TMEM196: variants seen among roughly 807,000 people sequenced by gnomAD.
TMEM196 encodes the protein transmembrane protein 196.
Under a neutral mutation model 20.0 loss-of-function variants are expected in TMEM196, and 17 were observed. The ratio of observed to expected loss-of-function variants is 0.85; its 90% CI spans 0.58 to 1.27. The LOEUF is 1.27. Ranked by LOEUF, TMEM196 falls within the 50% of genes most tolerant of loss-of-function variation. The pLI is 0.00. For synonymous variants in TMEM196, 113 were observed against 88.9 expected, an observed-to-expected ratio of 1.27 and a Z score of -1.52; for missense variants, 267 against 223.0, an observed-to-expected ratio of 1.20 and a Z score of -1.26.
intron 1 of TMEM196, among the ~76,000 whole-genome samples, chr7:19,761,204 A>C (rs1346568840): frequency 1.3e-5 from 2 of 152,180 alleles, no homozygotes; most frequent in African/African-American, 4.8e-5. Flanking sequence ...CATAGCGTAC[A>C]TCTTCAAAAG....
At chr7:19,768,219 C>T (rs986678876) in intron 1 of TMEM196, among the ~76,000 whole-genome samples, 1 of 151,910 alleles carries the variant, frequency 6.6e-6, no homozygotes, top group Non-Finnish European at 1.5e-5. Context: ...AAAAATACTA[C>T]CTCGTGGTTT....
intron 1 of TMEM196, among the ~76,000 whole-genome samples, chr7:19,759,213 C>T (rs1785333037): frequency 6.6e-6 from 1 of 152,154 alleles, no homozygotes; most frequent in African/African-American, 2.4e-5. Context: ...GGCCTATGTT[C>T]CCATTACCTT....
intron 1 of TMEM196, among the ~76,000 whole-genome samples, chr7:19,747,271 A>T (rs1784791182): frequency 9.2e-6 from 1 of 108,248 alleles, no homozygotes; most frequent in Non-Finnish European, 1.6e-5. Flanking sequence ...ATAAATAAAT[A>T]AAATAAAATA....
intron 3 of TMEM196, among the ~76,000 whole-genome samples, chr7:19,725,149 G>C (rs1425203304): frequency 1.3e-5 from 2 of 152,160 alleles, no homozygotes; most frequent in African/African-American, 4.8e-5. Context: ...CAAGGGAAGA[G>C]CTAGAAAAGG....
At chr7:19,730,180 T>C (rs1784150376) in intron 1 of TMEM196, among the ~76,000 whole-genome samples, 1 of 150,686 alleles carries the variant, frequency 6.6e-6, no homozygotes, top group South Asian at 2.1e-4. Context: ...GGCGTGAACC[T>C]GGGAGGCGAG....
At chr7:19,766,342 G>A (rs1231689273) in intron 1 of TMEM196, among the ~76,000 whole-genome samples, 1 of 151,918 alleles carries the variant, frequency 6.6e-6, no homozygotes, top group Non-Finnish European at 1.5e-5. Flanking sequence ...TGCTCAATGA[G>A]AGTCTAATTA....
At position 19,719,849 on chromosome 7, in the gene TMEM196, T is replaced by C. The variant is rs1433858317; in HGVS notation, c.*2279A>G. The stretch of plus-strand genomic sequence containing the variant: ...TAAACTATTTGAATAATTGTGATGA[T>C]GGCATCTCTTTTTAACTATACATCA... On this transcript the variant is annotated 3_prime_UTR_variant, in exon 5 of 5. Coordinates refer to ENST00000405844, the MANE Select transcript of TMEM196 (RefSeq NM_001363562.2). 1 of 152,126 alleles carries C rather than the reference T, an allele frequency of 6.6e-6. No individual in the cohort carries two copies. Among genetic ancestry groups the C allele is most frequent in the East Asian group, 1.9e-4 (1 of 5,204 alleles). The allele number at this position is 152,126 out of a possible 1,614,324, so 9.4% of individuals were successfully genotyped here. A position where few individuals can be genotyped will look rare whatever the true frequency, so the allele number is the denominator to read the frequency against.
chr7:19,754,540 A>G (rs1785122355), intron 1 of TMEM196, among the ~76,000 whole-genome samples: 2 of 152,206 alleles, frequency 1.3e-5, no homozygotes, highest in Admixed American at 1.3e-4. Context: ...AAAGCTTGCA[A>G]TACATCGTGA....
chr7:19,742,937 T>G (rs974167850), intron 1 of TMEM196, among the ~76,000 whole-genome samples: 2 of 152,174 alleles, frequency 1.3e-5, no homozygotes, highest in Admixed American at 1.3e-4. Flanking sequence ...CACTTGTCTT[T>G]CCATTCCCAG....
intron 1 of TMEM196, among the ~76,000 whole-genome samples, chr7:19,762,244 G>C (rs1169686372): frequency 6.6e-6 from 1 of 151,844 alleles, no homozygotes; most frequent in Non-Finnish European, 1.5e-5. Flanking sequence ...ATAGATAGTA[G>C]TAAAAAAACC....
chr7:19,730,415 G>T (rs1784163470), intron 1 of TMEM196, among the ~76,000 whole-genome samples: 1 of 152,178 alleles, frequency 6.6e-6, no homozygotes, highest in African/African-American at 2.4e-5. Context: ...ATCATAAAAT[G>T]ATAAATAGTT....
chr7:19,726,533 G>A (rs1358969890), intron 2 of TMEM196, among the ~76,000 whole-genome samples: 17 of 151,958 alleles, frequency 1.1e-4, no homozygotes, highest in South Asian at 8.3e-4. Context: ...TACAATAGGC[G>A]TTCCAAAAAT....
chr7:19,722,581 T>C (rs2128010925), intron 4 of TMEM196, among the ~76,000 whole-genome samples: 1 of 152,238 alleles, frequency 6.6e-6, no homozygotes. Flanking sequence ...GAAAAAGGCC[T>C]ACGAGGGCAT....
chr7:19,768,551 C>G (rs1476211006), intron 1 of TMEM196, among the ~76,000 whole-genome samples: 2 of 152,120 alleles, frequency 1.3e-5, no homozygotes, highest in Middle Eastern at 3.2e-3. Context: ...TACTTCCTGT[C>G]TATAAATCTG....
In TMEM196 at chr7:19,757,476, A is replaced by C. The variant is rs1024335083; in HGVS notation, c.147+15074T>G. 5.9e-5 allele frequency among the ~76,000 whole-genome samples: 9 copies of C among 151,266 alleles called. No homozygotes were observed. In the South Asian group the frequency reaches 1.5e-3, roughly 25 times the overall value. On this transcript the variant is annotated intron_variant, in intron 1 of 4. Transcript: ENST00000405844. The stretch of plus-strand genomic sequence containing the variant: ...AGGCTAGTCTCGAACTCCTAACCTC[A>C]ATTGATCCACCCGCCTTGGCCTCCC...
chr7:19,745,934 G>A (rs1195939306), intron 1 of TMEM196, among the ~76,000 whole-genome samples: 4 of 151,720 alleles, frequency 2.6e-5, no homozygotes, highest in African/African-American at 9.7e-5. Context: ...TAACTCAGAG[G>A]ACCTATATTT....
chr7:19,722,014 C>G lies in TMEM196; in HGVS notation c.*114G>C. 1 of 1,369,200 alleles carries G rather than the reference C, an allele frequency of 7.3e-7. No homozygotes were observed. Among genetic ancestry groups the G allele is most frequent in the Non-Finnish European group, 1.0e-6 (1 of 969,460 alleles). 84.8% of individuals were successfully genotyped at this position (1,369,200 alleles called of 1,614,324 possible). ...TGCAAAAACTGTTTTATTTTCTAGT[C>G]CTTTGGTGTCTCATTGCCTCATGAA... On this transcript the variant is annotated 3_prime_UTR_variant, in exon 5 of 5. Transcript: ENST00000405844.
At chr7:19,727,977 G>A (rs754513025) in intron 2 of TMEM196, among the ~76,000 whole-genome samples, 1 of 151,856 alleles carries the variant, frequency 6.6e-6, no homozygotes, top group African/African-American at 2.4e-5. Flanking sequence ...TGCCATCAAT[G>A]GGGACCTTAG....
intron 4 of TMEM196, among the ~76,000 whole-genome samples, chr7:19,723,346 T>G (rs941822839): frequency 3.9e-5 from 6 of 152,142 alleles, no homozygotes; most frequent in African/African-American, 1.4e-4. Context: ...CTAATAAATT[T>G]ACATAAACCC....
Sources: allele counts gnomAD v4.1 joint callset (sites outside exome capture counted in the v4.1 genomes callset), GRCh38; gene constraint gnomAD v4.1.1; transcripts MANE v1.5; gene names NCBI Gene and HGNC (gene_info 2026-07-23, HGNC 2026-07-21).